The following SLC35F1 variants were observed in gnomAD, a reference collection of about 807,000 sequenced individuals.
SLC35F1 encodes the protein solute carrier family 35 member F1.
Under a neutral mutation model 48.7 loss-of-function variants are expected in SLC35F1, and 14 were observed. The ratio of observed to expected loss-of-function variants is 0.29; its 90% CI spans 0.19 to 0.45. The LOEUF is 0.45. Ranked by LOEUF, SLC35F1 falls within the 20% of genes least tolerant of loss-of-function variation. The probability of loss-of-function intolerance (pLI) is 1.00; values close to 1 mark genes in which losing one functional copy is unlikely to be tolerated. For synonymous variants in SLC35F1, 190 were observed against 202.2 expected (o/e 0.94, Z 0.51); for missense variants, 404 against 500.0 (o/e 0.81, Z 1.83).
intron 1 of SLC35F1, among the ~76,000 whole-genome samples, chr6:118,033,948 A>G (rs1772089964): frequency 1.3e-5 from 2 of 152,182 alleles, no homozygotes; most frequent in African/African-American, 2.4e-5. Flanking sequence ...GGACTCTCTT[A>G]CGTATTTATT....
chr6:117,942,919 T>A (rs1037729074), intron 1 of SLC35F1, among the ~76,000 whole-genome samples: 2 of 152,230 alleles, frequency 1.3e-5, no homozygotes, highest in Admixed American at 1.3e-4. Context: ...CTGTAGTTTT[T>A]ATTTATTTCT....
chr6:118,072,825 A>G (rs542544365), intron 1 of SLC35F1, among the ~76,000 whole-genome samples: 124 of 152,144 alleles, frequency 8.2e-4, no homozygotes, highest in Non-Finnish European at 1.6e-3. Flanking sequence ...AGAATTCCAG[A>G]GTTTGGTTTC....
intron 1 of SLC35F1, among the ~76,000 whole-genome samples, chr6:118,050,795 G>A (rs1272809255): frequency 6.6e-6 from 1 of 152,124 alleles, no homozygotes; most frequent in Non-Finnish European, 1.5e-5. Flanking sequence ...GGAAGAGTGG[G>A]TAGACATCAA....
chr6:118,146,911 GA>G lies in SLC35F1; in HGVS notation c.174-7533del, dbSNP rs2114453986. The stretch of plus-strand genomic sequence containing the variant: ...ATCAAAGATACAAATTCCAAGAGTT[GA>G]TGTGCACAGATCAGTATCTTCTAAA... On this transcript the variant is annotated intron_variant, in intron 1 of 7. Transcript: ENST00000360388. Among the ~76,000 whole-genome samples the G allele has an allele frequency of 1.3e-5, 2 of 152,308 alleles. 1 individual carries two copies. The highest frequency in any genetic ancestry group is 3.9e-4 in the East Asian group (2 of 5,188).
At chr6:118,074,816 G>A (rs1772793736) in intron 1 of SLC35F1, among the ~76,000 whole-genome samples, 1 of 152,080 alleles carries the variant, frequency 6.6e-6, no homozygotes, top group Admixed American at 6.6e-5. Context: ...CCCAGCTAAT[G>A]TATTTCTTGT....
At chr6:117,961,896 A>T (rs1776502858) in intron 1 of SLC35F1, among the ~76,000 whole-genome samples, 1 of 152,184 alleles carries the variant, frequency 6.6e-6, no homozygotes, top group Non-Finnish European at 1.5e-5. Flanking sequence ...TTTATACATA[A>T]ATATATGTGG....
At chr6:118,107,611 A>G (rs556215478) in intron 1 of SLC35F1, among the ~76,000 whole-genome samples, 1 of 152,302 alleles carries the variant, frequency 6.6e-6, no homozygotes, top group Admixed American at 6.5e-5. Flanking sequence ...ATATGATAAG[A>G]ATGGGACAGA....
At position 118,173,385 on chromosome 6, in the gene SLC35F1, TAAAAA is replaced by T. The variant is rs571653145; in HGVS notation, c.349+18771_349+18775del. 1.6e-3 allele frequency among the ~76,000 whole-genome samples: 205 copies of T among 129,380 alleles called. 3 individuals carry two copies. Among genetic ancestry groups the T allele is most frequent in the African/African-American group, 6.7e-3 (200 of 30,064 alleles). 84.9% of individuals were successfully genotyped at this position (129,380 alleles called of 152,430 possible). On this transcript the variant is annotated intron_variant, in intron 2 of 7. Coordinates refer to ENST00000360388, the MANE Select transcript of SLC35F1 (RefSeq NM_001029858.4). ...AGAATCCATCATAGAAAGAGTTAGTTAAAAAAAAAACAAAAAACAAAAAAAAAACA... is the reference window on the plus strand; with the variant it reads ...AGAATCCATCATAGAAAGAGTTAGTTAAAAACAAAAAACAAAAAAAAAACA...
intron 1 of SLC35F1, among the ~76,000 whole-genome samples, chr6:118,103,570 C>T (rs1773288946): frequency 6.6e-6 from 1 of 152,304 alleles, no homozygotes; most frequent in African/African-American, 2.4e-5. Flanking sequence ...ATCCACTTGC[C>T]GAACACACTG....
intron 2 of SLC35F1, among the ~76,000 whole-genome samples, chr6:118,210,781 A>G (rs1774991867): frequency 6.6e-6 from 1 of 152,156 alleles, no homozygotes; most frequent in African/African-American, 2.4e-5. Flanking sequence ...GTTGAGGGTA[A>G]AGTTATGGGC....
At chr6:118,036,688 G>C (rs1772136141) in intron 1 of SLC35F1, among the ~76,000 whole-genome samples, 1 of 152,124 alleles carries the variant, frequency 6.6e-6, no homozygotes, top group African/African-American at 2.4e-5. Flanking sequence ...CTCCCAAGTA[G>C]CTGGGACTAC....
intron 2 of SLC35F1, among the ~76,000 whole-genome samples, chr6:118,181,211 CATG>C (rs1774573309): frequency 1.3e-5 from 2 of 151,968 alleles, no homozygotes; most frequent in Admixed American, 1.3e-4. Flanking sequence ...ATATGGCAAA[CATG>C]AAGGCAAATC....
chr6:117,997,640 A>G (rs1777015637), intron 1 of SLC35F1, among the ~76,000 whole-genome samples: 1 of 152,216 alleles, frequency 6.6e-6, no homozygotes, highest in Non-Finnish European at 1.5e-5. Flanking sequence ...AAAGAAAAGA[A>G]TTTTCAACCC....
chr6:118,313,982 G>C (rs777979483), intron 7 of SLC35F1, 46 bp from the exon 8 acceptor site: 1 of 1,566,904 alleles, frequency 6.4e-7, no homozygotes, highest in African/African-American at 1.4e-5. Flanking sequence ...ATGTGTCAGT[G>C]GTTCTGCCCT....
chr6:117,967,374 C>T (rs969760385), intron 1 of SLC35F1, among the ~76,000 whole-genome samples: 4 of 152,084 alleles, frequency 2.6e-5, no homozygotes, highest in African/African-American at 9.7e-5. Flanking sequence ...TCAAAAACTC[C>T]ACTGAAGAGA....
chr6:118,255,163 C>T (rs908087929), intron 3 of SLC35F1, among the ~76,000 whole-genome samples: 2 of 152,134 alleles, frequency 1.3e-5, no homozygotes, highest in Non-Finnish European at 2.9e-5. Flanking sequence ...ATTACTTAAG[C>T]TCATTTTATG....
intron 1 of SLC35F1, among the ~76,000 whole-genome samples, chr6:118,153,254 A>G (rs1361665949): frequency 2.8e-5 from 4 of 143,194 alleles, no homozygotes; most frequent in Non-Finnish European, 4.6e-5. Context: ...AACTAGAGTG[A>G]TATAGTTAAC....
intron 3 of SLC35F1, among the ~76,000 whole-genome samples, chr6:118,249,205 A>C (rs1198214898): frequency 6.6e-6 from 1 of 152,228 alleles, no homozygotes; most frequent in Non-Finnish European, 1.5e-5. Context: ...GTTCGAAGGC[A>C]CTTATCTTCT....
chr6:118,008,182 A>G (rs1174996383), intron 1 of SLC35F1, among the ~76,000 whole-genome samples: 2 of 152,138 alleles, frequency 1.3e-5, no homozygotes, highest in Non-Finnish European at 2.9e-5. Flanking sequence ...TGATCACTAG[A>G]CATTGTATAC....
Sources: gnomAD v4.1 joint callset for allele counts (sites outside exome capture counted in the v4.1 genomes callset) on GRCh38, gnomAD v4.1.1 for gene constraint, MANE v1.5 for transcripts, NCBI Gene and HGNC (gene_info 2026-07-23, HGNC 2026-07-21) for gene names.